ABCC4: variants seen among roughly 807,000 people sequenced by gnomAD.
ABCC4 encodes ATP binding cassette subfamily C member 4 (PEL blood group).
In ABCC4, 102 loss-of-function variants were observed where a neutral mutation model predicts 168.5. The ratio of observed to expected loss-of-function variants is 0.61; its 90% CI spans 0.52 to 0.71. The LOEUF (loss-of-function observed/expected upper bound fraction) is 0.71. Among genes scored for constraint, ABCC4 ranks in the 30% least tolerant of loss-of-function variants. The pLI, the probability that ABCC4 is intolerant of heterozygous loss-of-function variation, is 0.00. For missense variants in ABCC4, 1,402 were observed against 1,605.8 expected (o/e 0.87, Z 2.17); for synonymous variants, 617 against 590.7 (o/e 1.04, Z -0.65).
intron 19 of ABCC4, among the ~76,000 whole-genome samples, chr13:95,120,567 C>CA (rs35906536): frequency 0.22 from 20,276 of 90,724 alleles, 2,118 homozygotes; most frequent in East Asian, 0.28. Context: ...GAGACTCCGT[C>CA]AAAAAAAAAA....
chr13:95,185,930 A>G (rs1173480730), intron 11 of ABCC4, among the ~76,000 whole-genome samples: 1 of 152,038 alleles, frequency 6.6e-6, no homozygotes, highest in Admixed American at 6.5e-5. Flanking sequence ...AAATTTATCC[A>G]TGTAACCAAA....
intron 20 of ABCC4, among the ~76,000 whole-genome samples, chr13:95,094,154 T>G (rs1213334684): frequency 6.6e-6 from 1 of 151,418 alleles, no homozygotes; most frequent in Admixed American, 6.6e-5. Flanking sequence ...ACCACCATCA[T>G]TCTGCACAGA....
At chr13:95,279,681 C>T (rs1490555270) in intron 1 of ABCC4, among the ~76,000 whole-genome samples, 1 of 152,182 alleles carries the variant, frequency 6.6e-6, no homozygotes, top group Non-Finnish European at 1.5e-5. Context: ...ATCCCCAAGT[C>T]CTCACAGTGC....
chr13:95,260,609 G>A (rs1196551574), intron 1 of ABCC4, among the ~76,000 whole-genome samples: 1 of 152,132 alleles, frequency 6.6e-6, no homozygotes, highest in African/African-American at 2.4e-5. Flanking sequence ...GGAGGAAGAA[G>A]GGACAAATTT....
At chr13:95,070,159 G>A (rs372274808) in intron 25 of ABCC4, among the ~76,000 whole-genome samples, 35 of 152,274 alleles carry the variant, frequency 2.3e-4, no homozygotes, top group African/African-American at 7.7e-4. Flanking sequence ...CAGGAAAATC[G>A]CTTGAACCTG....
At chr13:95,096,227 G>C (rs760700481) in intron 20 of ABCC4, 1 of 606,382 alleles carries the variant, frequency 1.6e-6, no homozygotes, top group East Asian at 3.0e-5. Flanking sequence ...CAGCAGATTG[G>C]GATAAGAGAA....
At chr13:95,036,890 C>A (rs993129082) in intron 29 of ABCC4, among the ~76,000 whole-genome samples, 26 of 152,080 alleles carry the variant, frequency 1.7e-4, no homozygotes, top group African/African-American at 4.8e-4. Flanking sequence ...TTGAAACCAG[C>A]CTGGCCAACA....
At chr13:95,102,443 G>T (rs1324421561) in intron 20 of ABCC4, among the ~76,000 whole-genome samples, 1 of 151,896 alleles carries the variant, frequency 6.6e-6, no homozygotes, top group Non-Finnish European at 1.5e-5. Context: ...ACCATCTCTG[G>T]CAAAGTCTTT....
intron 1 of ABCC4, among the ~76,000 whole-genome samples, chr13:95,295,614 C>A (rs971097724): frequency 2.0e-5 from 3 of 151,602 alleles, no homozygotes; most frequent in Non-Finnish European, 4.4e-5. Flanking sequence ...CCCAAGATCA[C>A]GCCACCGCAC....
chr13:95,048,841 T>C (rs1176725021), intron 27 of ABCC4, among the ~76,000 whole-genome samples: 1 of 152,216 alleles, frequency 6.6e-6, no homozygotes, highest in East Asian at 1.9e-4. Flanking sequence ...TGCTGATTCA[T>C]TTTCTTAGTT....
intron 19 of ABCC4, among the ~76,000 whole-genome samples, chr13:95,128,187 G>A (rs2035848641): frequency 6.6e-6 from 1 of 152,030 alleles, no homozygotes; most frequent in African/African-American, 2.4e-5. Context: ...TTTCTGTGGA[G>A]GTAATTAAAT....
chr13:95,231,669 G>A (rs1000055681), intron 4 of ABCC4, among the ~76,000 whole-genome samples: 2 of 152,166 alleles, frequency 1.3e-5, no homozygotes, highest in African/African-American at 2.4e-5. Context: ...TCTTTCCCAC[G>A]TTTCTGGGAT....
chr13:95,036,372 T>C (rs2032120268), intron 29 of ABCC4, among the ~76,000 whole-genome samples: 1 of 152,186 alleles, frequency 6.6e-6, no homozygotes, highest in Non-Finnish European at 1.5e-5. Context: ...TACTATTTGG[T>C]CCTTGTCCAA....
rs2037206598 is a variant in ABCC4 at position 95,164,449 on chromosome 13, T to C, written c.2104A>G (p.Lys702Glu). 4 of 1,614,182 alleles carry C rather than the reference T, an allele frequency of 2.5e-6. No individual in the cohort carries two copies. Among genetic ancestry groups the C allele is most frequent in the Admixed American group, 1.7e-5 (1 of 60,020 alleles). Residue 702 changes from lysine to glutamate, a missense_variant, in exon 16 of 31, where the codon AAG becomes GAG. Lys to Glu is a moderately conservative substitution (Grantham distance 56, BLOSUM62 1). Around this residue, in one of 3 missense-constraint regions of ABCC4, gnomAD observed 1,007 missense variants for 1,127.3 expected, o/e 0.89. Transcript: ENST00000645237. The part of the protein sequence containing the change: ...SEGKVGFQAY[K>E]NYFRAGAHWI... ...TGAGCACCAGCTCTGAAGTAATTCT[T>C]ATAGGCCTGAAAACCAACTTTTCCT...
chr13:95,214,364 G>GA (rs2039051801), intron 4 of ABCC4, among the ~76,000 whole-genome samples: 1 of 152,060 alleles, frequency 6.6e-6, no homozygotes, highest in Non-Finnish European at 1.5e-5. Context: ...AATAGGGGAA[G>GA]AAAAAATATT....
intron 19 of ABCC4, among the ~76,000 whole-genome samples, chr13:95,135,868 G>A (rs1459981853): frequency 6.6e-6 from 1 of 152,116 alleles, no homozygotes; most frequent in African/African-American, 2.4e-5. Flanking sequence ...TAGGAGATAT[G>A]TTTGTAAATA....
chr13:95,290,705 C>CAA (rs55933951), intron 1 of ABCC4, among the ~76,000 whole-genome samples: 4 of 56,046 alleles, frequency 7.1e-5, no homozygotes, highest in Non-Finnish European at 1.2e-4. Context: ...AACTCTGTCT[C>CAA]AAAAAAAAAA....
At chr13:95,220,995 G>A (rs779466180) in intron 4 of ABCC4, among the ~76,000 whole-genome samples, 9 of 152,166 alleles carry the variant, frequency 5.9e-5, no homozygotes, top group Non-Finnish European at 1.0e-4. Flanking sequence ...TCAGGGTGAG[G>A]CAGAAGTTTT....
chr13:95,113,533 C>A (rs910701794), intron 20 of ABCC4, among the ~76,000 whole-genome samples: 1 of 150,338 alleles, frequency 6.7e-6, no homozygotes, highest in African/African-American at 2.5e-5. Context: ...CAGCACTGGG[C>A]TGTTTTCATC....
Sources: gnomAD v4.1 joint callset for allele counts (sites outside exome capture counted in the v4.1 genomes callset) on GRCh38, gnomAD v4.1.1 for gene constraint, gnomAD v4.1.1 regional missense constraint, MANE v1.5 for transcripts, NCBI Gene and HGNC (gene_info 2026-07-23, HGNC 2026-07-21) for gene names.